XKR4: variants seen among roughly 807,000 people sequenced by gnomAD.
XKR4 encodes XK-related protein 4.
XKR4 carries 12 observed loss-of-function variants against 53.9 expected under a neutral mutation model. That is an observed-to-expected ratio of 0.22 (90% CI 0.14 to 0.36). The LOEUF is 0.36. Ranked by LOEUF, XKR4 falls within the 10% of genes least tolerant of loss-of-function variation. The pLI is 1.00. For synonymous variants in XKR4, 354 were observed against 362.4 expected (o/e 0.98, Z 0.26); for missense variants, 799 against 859.5 (o/e 0.93, Z 0.88).
chr8:55,539,656 G>A lies in XKR4; in HGVS notation c.*15429G>A, dbSNP rs1585624745. On this transcript the variant is annotated 3_prime_UTR_variant, in exon 3 of 3. Coordinates refer to ENST00000327381, the MANE Select transcript of XKR4 (RefSeq NM_052898.2). ...GACTAATACTATGAGAATAGTAAGT[G>A]AGTCAAAAAATAATTGGGACTGTCC... The A allele has an allele frequency of 6.6e-6, 1 of 152,126 alleles. No individual in the cohort carries two copies. The highest frequency in any genetic ancestry group is 2.1e-4 in the South Asian group (1 of 4,834). 9.4% of individuals were successfully genotyped at this position (152,126 alleles called of 1,614,324 possible).
Position 55,244,637 on chromosome 8 carries a change from C to T in XKR4, c.807-113041C>T, listed in dbSNP as rs113056237. 8.3e-3 allele frequency among the ~76,000 whole-genome samples: 1,259 copies of T among 152,204 alleles called. 22 individuals carry two copies. The highest frequency in any genetic ancestry group is 0.027 in the African/African-American group (1,105 of 41,520). On this transcript the variant is annotated intron_variant, in intron 1 of 2. Transcript: ENST00000327381. ...TTCTGTTTTAAGTTGTTTGAGAAAT[C>T]GACACTGCTTTCCATAATGGCAGAA... is the stretch of plus-strand genomic sequence containing the variant.
At chr8:55,454,165 A>G (rs950928797) in intron 2 of XKR4, 86 of 978,764 alleles carry the variant, frequency 8.8e-5, no homozygotes, top group Non-Finnish European at 1.4e-4. Flanking sequence ...CCATTCTTAG[A>G]ACACTGTGCG....
intron 2 of XKR4, among the ~76,000 whole-genome samples, chr8:55,419,096 A>G (rs1804890326): frequency 6.6e-6 from 1 of 152,058 alleles, no homozygotes; most frequent in Non-Finnish European, 1.5e-5. Flanking sequence ...ATGAAAACCA[A>G]GAAGAGGGCC....
chr8:55,512,665 A>G (rs1170638200), intron 2 of XKR4, among the ~76,000 whole-genome samples: 2 of 152,228 alleles, frequency 1.3e-5, no homozygotes, highest in Non-Finnish European at 2.9e-5. Flanking sequence ...ATAAACATTT[A>G]TGAGAGGAAA....
At chr8:55,370,107 G>A (rs1563334465) in intron 2 of XKR4, among the ~76,000 whole-genome samples, 1 of 152,140 alleles carries the variant, frequency 6.6e-6, no homozygotes, top group Non-Finnish European at 1.5e-5. Context: ...TTTGCAGCAA[G>A]CCTTAATTAT....
chr8:55,479,467 C>A (rs570931569), intron 2 of XKR4, among the ~76,000 whole-genome samples: 22 of 152,054 alleles, frequency 1.4e-4, no homozygotes, highest in African/African-American at 2.7e-4. Flanking sequence ...AAAATTGACA[C>A]CCTAACATCA....
At chr8:55,289,080 A>G (rs1251040106) in intron 1 of XKR4, among the ~76,000 whole-genome samples, 1 of 152,182 alleles carries the variant, frequency 6.6e-6, no homozygotes, top group African/African-American at 2.4e-5. Context: ...ACACAAGGGT[A>G]GTTTCCAGTT....
intron 2 of XKR4, among the ~76,000 whole-genome samples, chr8:55,444,264 C>G (rs188516136): frequency 6.6e-6 from 1 of 152,202 alleles, no homozygotes; most frequent in Admixed American, 6.5e-5. Flanking sequence ...ATATGAAAAG[C>G]AAAATGTTAA....
intron 1 of XKR4, among the ~76,000 whole-genome samples, chr8:55,247,327 C>A (rs1436146190): frequency 6.6e-6 from 1 of 152,084 alleles, no homozygotes; most frequent in Admixed American, 6.6e-5. Context: ...AATTGCCTGA[C>A]CTCAGCTTTG....
chr8:55,408,932 G>A (rs1804733732), intron 2 of XKR4, among the ~76,000 whole-genome samples: 2 of 151,572 alleles, frequency 1.3e-5, no homozygotes, highest in Non-Finnish European at 2.9e-5. Context: ...CCTTGAACCC[G>A]GGAAGCAGAG....
intron 1 of XKR4, among the ~76,000 whole-genome samples, chr8:55,283,819 GGGTCTGATGTGA>G (rs1421620314): frequency 1.3e-5 from 2 of 152,170 alleles, no homozygotes; most frequent in Non-Finnish European, 2.9e-5. Context: ...TATTTTCCTT[GGGTCTGATGTGA>G]GGCCAGCTCA....
intron 1 of XKR4, among the ~76,000 whole-genome samples, chr8:55,136,534 C>G (rs1816632963): frequency 6.6e-6 from 1 of 152,176 alleles, no homozygotes; most frequent in South Asian, 2.1e-4. Flanking sequence ...TATCAACGCT[C>G]CACGAATAGT....
chr8:55,367,841 ACT>A (rs1336297837), intron 2 of XKR4, among the ~76,000 whole-genome samples: 1 of 151,716 alleles, frequency 6.6e-6, no homozygotes, highest in African/African-American at 2.4e-5. Context: ...CGCTGATAAC[ACT>A]CTCTCCAAAC....
intron 1 of XKR4, among the ~76,000 whole-genome samples, chr8:55,129,167 A>G (rs903743573): frequency 6.6e-6 from 1 of 152,216 alleles, no homozygotes; most frequent in African/African-American, 2.4e-5. Flanking sequence ...ATGGAGAGAG[A>G]ACCCAAAGAT....
intron 1 of XKR4, among the ~76,000 whole-genome samples, chr8:55,146,667 C>T (rs1315306988): frequency 6.6e-6 from 1 of 152,182 alleles, no homozygotes; most frequent in Non-Finnish European, 1.5e-5. Flanking sequence ...TTTTTCATGT[C>T]TTTTAAAGGG....
intron 2 of XKR4, among the ~76,000 whole-genome samples, chr8:55,465,134 T>C (rs1805737997): frequency 6.6e-6 from 1 of 152,140 alleles, no homozygotes; most frequent in Non-Finnish European, 1.5e-5. Flanking sequence ...TGGAAAAAAC[T>C]ACTTTAAAGT....
chr8:55,494,810 A>G (rs541533465), intron 2 of XKR4, among the ~76,000 whole-genome samples: 10 of 152,112 alleles, frequency 6.6e-5, no homozygotes, highest in Non-Finnish European at 1.5e-4. Context: ...TGGTCCATGC[A>G]CAGCCATGGG....
At chr8:55,235,921 A>G (rs1818115014) in intron 1 of XKR4, among the ~76,000 whole-genome samples, 1 of 152,316 alleles carries the variant, frequency 6.6e-6, no homozygotes, top group East Asian at 1.9e-4. Flanking sequence ...ATGATTTTTC[A>G]TACTGAGTTT....
chr8:55,396,399 G>GTTTTTTTTTTTTTTTTTTTTTTTTTTT (rs71256534), intron 2 of XKR4, among the ~76,000 whole-genome samples: 1 of 88,750 alleles, frequency 1.1e-5, no homozygotes. Context: ...TTTTTGTTTG[G>GTTTTTTTTTTTTTTTTTTTTTTTTTTT]TTTTTTTTTT....
Sources: allele counts gnomAD v4.1 joint callset (sites outside exome capture counted in the v4.1 genomes callset), GRCh38; gene constraint gnomAD v4.1.1; transcripts MANE v1.5; gene names NCBI Gene and HGNC (gene_info 2026-07-23, HGNC 2026-07-21).